The following ANO1 variants were observed in gnomAD, a reference collection of about 807,000 sequenced individuals.
ANO1 encodes anoctamin-1.
In ANO1, 59 loss-of-function variants were observed where a neutral mutation model predicts 124.0. That is an observed-to-expected ratio of 0.48 (90% CI 0.39 to 0.59). The LOEUF (loss-of-function observed/expected upper bound fraction) is 0.59, where lower values mean the gene tolerates loss of function less well. ANO1 is among the 20% of genes least tolerant of loss of function. ANO1 has a pLI of 0.00. For synonymous variants in ANO1, 529 were observed against 532.0 expected, an observed-to-expected ratio of 0.99 and a Z score of 0.08; for missense variants, 1,059 against 1,328.0, an observed-to-expected ratio of 0.80 and a Z score of 3.15.
intron 22 of ANO1, among the ~76,000 whole-genome samples, chr11:70,177,692 C>G (rs1432957389): frequency 4.0e-5 from 6 of 149,572 alleles, no homozygotes; most frequent in Non-Finnish European, 7.4e-5. Context: ...CTCCGCCCCC[C>G]GGGTTCAAGC....
chr11:69,967,332 C>T, the ANO1 span, among the ~76,000 whole-genome samples: 2 of 152,088 alleles, frequency 1.3e-5, no homozygotes, highest in South Asian at 2.1e-4. Context: ...AGGCTCTGAG[C>T]GCCGGTATCG....
At chr11:70,088,911 C>T (rs2044508290) in intron 2 of ANO1, among the ~76,000 whole-genome samples, 1 of 152,210 alleles carries the variant, frequency 6.6e-6, no homozygotes, top group Non-Finnish European at 1.5e-5. Context: ...CCTAGCAAAG[C>T]CTACGAATCT....
intron 1 of ANO1, among the ~76,000 whole-genome samples, chr11:70,055,699 C>A (rs1857422421): frequency 6.6e-6 from 1 of 152,002 alleles, no homozygotes; most frequent in Non-Finnish European, 1.5e-5. Flanking sequence ...GGTTTACAAC[C>A]ACTATATTAC....
the ANO1 span, among the ~76,000 whole-genome samples, chr11:69,976,787 C>T: frequency 2.0e-5 from 3 of 152,306 alleles, no homozygotes; most frequent in African/African-American, 7.2e-5. Context: ...ATGCAGAGCC[C>T]CTGCAGAGAG....
At chr11:70,115,459 A>G (rs896059673) in intron 7 of ANO1, among the ~76,000 whole-genome samples, 2 of 152,094 alleles carry the variant, frequency 1.3e-5, no homozygotes, top group Admixed American at 6.5e-5. Flanking sequence ...CTAAAAATAC[A>G]AAAATTAGCC....
Position 70,078,650 on chromosome 11 carries a change from G to T in ANO1, c.44G>T (p.Arg15Leu). 1 of 1,500,238 alleles carries T rather than the reference G, an allele frequency of 6.7e-7. No individual in the cohort carries two copies. The highest frequency in any genetic ancestry group is 9.0e-7 in the Non-Finnish European group (1 of 1,114,470). The allele number at this position is 1,500,238 out of a possible 1,614,324, so 92.9% of individuals were successfully genotyped here. A position where few individuals can be genotyped will look rare whatever the true frequency, so the allele number is the denominator to read the frequency against. Reference protein sequence around the residue: ...EKYSTLPAEDRSVHIINICAI... With the variant: ...EKYSTLPAEDLSVHIINICAI... The stretch of plus-strand genomic sequence containing the variant: ...TACTCGACGCTCCCGGCCGAGGACC[G>T]CAGCGTCCACATCATCAACATCTGC... The change falls in exon 1 of 26, where the codon CGC (arginine) becomes CTC (leucine). Residue 15 changes from arginine (R) to leucine (L), a missense_variant. Arg to Leu is a moderately radical substitution (Grantham distance 102, BLOSUM62 -2). Transcript: ENST00000355303.
chr11:69,987,101 T>G (rs1334731965), intron 1 of ANO1, among the ~76,000 whole-genome samples: 2 of 151,762 alleles, frequency 1.3e-5, no homozygotes, highest in African/African-American at 4.8e-5. Context: ...AACAGCCGGG[T>G]CTGGCTTCTT....
At chr11:70,150,023 A>C in intron 12 of ANO1, 1 of 640,352 alleles carries the variant, frequency 1.6e-6, no homozygotes, top group South Asian at 1.6e-5. Flanking sequence ...AAGTGTTTTC[A>C]TCCCCATGCT....
chr11:70,179,976 T>C, intron 22 of ANO1, 28 bp from the exon 23 acceptor site: 6 of 1,606,970 alleles, frequency 3.7e-6, no homozygotes, highest in Non-Finnish European at 5.1e-6. Flanking sequence ...GTAGGGCTCT[T>C]TAAAACTGTG....
intron 1 of ANO1, among the ~76,000 whole-genome samples, chr11:70,068,419 T>C (rs782006494): frequency 1.3e-5 from 2 of 152,196 alleles, no homozygotes; most frequent in Non-Finnish European, 2.9e-5. Context: ...TGTGCCAGGC[T>C]CCGCTGGGTC....
chr11:70,149,021 C>T (rs1298774247), intron 11 of ANO1, among the ~76,000 whole-genome samples: 1 of 152,184 alleles, frequency 6.6e-6, no homozygotes, highest in Non-Finnish European at 1.5e-5. Context: ...GCTGCCAGTG[C>T]GATTCAGCAG....
intron 22 of ANO1, among the ~76,000 whole-genome samples, chr11:70,173,729 A>C (rs1326881342): frequency 6.6e-6 from 1 of 152,192 alleles, no homozygotes; most frequent in Non-Finnish European, 1.5e-5. Flanking sequence ...TACGCTTTTC[A>C]TACATTTTTC....
intron 2 of ANO1, among the ~76,000 whole-genome samples, chr11:70,095,263 G>GGAAGGAAGGAAGGAAGGAAA (rs1555017243): frequency 1.5e-4 from 9 of 61,536 alleles, no homozygotes; most frequent in African/African-American, 2.1e-4. Context: ...AAGGAAGGAA[G>GGAAGGAAGGAAGGAAGGAAA]GAAGGAAGGA....
chr11:70,105,061 C>G (rs922726726), intron 4 of ANO1, among the ~76,000 whole-genome samples: 1 of 152,084 alleles, frequency 6.6e-6, no homozygotes, highest in African/African-American at 2.4e-5. Flanking sequence ...GAGGAAACCG[C>G]CCTCCTTCCA....
the ANO1 span, among the ~76,000 whole-genome samples, chr11:69,971,730 C>T: frequency 2.6e-4 from 39 of 152,146 alleles, no homozygotes; most frequent in Admixed American, 5.9e-4. Flanking sequence ...GCTCCAGGCC[C>T]GGGGAGGCCT....
At chr11:70,163,895 G>A (rs948616131) in intron 19 of ANO1, among the ~76,000 whole-genome samples, 4 of 150,154 alleles carry the variant, frequency 2.7e-5, no homozygotes, top group East Asian at 3.9e-4. Context: ...CTGAGATTTC[G>A]CCACTGCACT....
chr11:70,103,968 G>T (rs200428629), intron 3 of ANO1, 31 bp from the exon 4 acceptor site: 1 of 1,603,148 alleles, frequency 6.2e-7, no homozygotes, highest in Admixed American at 1.7e-5. Flanking sequence ...GCAGGGTGAC[G>T]CAGCTCCCCG....
chr11:70,109,715 C>T (rs1403536277), intron 6 of ANO1, among the ~76,000 whole-genome samples: 1 of 152,200 alleles, frequency 6.6e-6, no homozygotes, highest in Admixed American at 6.5e-5. Context: ...TGGGTCCCTG[C>T]AGCGTTCCTT....
At chr11:70,129,893 T>C (rs897970259) in intron 10 of ANO1, among the ~76,000 whole-genome samples, 30 of 152,134 alleles carry the variant, frequency 2.0e-4, no homozygotes, top group African/African-American at 7.2e-4. Flanking sequence ...AGTGCTGGGA[T>C]TACAGGCATG....
Sources: allele counts gnomAD v4.1 joint callset (sites outside exome capture counted in the v4.1 genomes callset), GRCh38; gene constraint gnomAD v4.1.1; transcripts MANE v1.5; gene names NCBI Gene and HGNC (gene_info 2026-07-23, HGNC 2026-07-21).